SYN3: variants seen among roughly 807,000 people sequenced by gnomAD.
The protein encoded by SYN3 is synapsin-3.
In SYN3, 35 loss-of-function variants were observed where a neutral mutation model predicts 65.8. The ratio of observed to expected loss-of-function variants is 0.53; its 90% CI spans 0.41 to 0.70. The LOEUF (loss-of-function observed/expected upper bound fraction) is 0.70. Among genes scored for constraint, SYN3 ranks in the 30% least tolerant of loss-of-function variants. The pLI, the probability that SYN3 is intolerant of heterozygous loss-of-function variation, is 0.00. For missense variants in SYN3, 680 were observed against 749.0 expected, an observed-to-expected ratio of 0.91 and a Z score of 1.08; for synonymous variants, 270 against 292.9, an observed-to-expected ratio of 0.92 and a Z score of 0.80.
intron 4 of SYN3, among the ~76,000 whole-genome samples, chr22:32,869,689 G>GTTTTTTTTTTTT (rs1288480674): frequency 2.5e-5 from 3 of 118,448 alleles, no homozygotes; most frequent in Non-Finnish European, 3.4e-5. Flanking sequence ...AACACATCTT[G>GTTTTTTTTTTTT]GTTTTTTTTT....
chr22:32,776,092 G>T (rs964023476), intron 6 of SYN3, among the ~76,000 whole-genome samples: 7 of 152,164 alleles, frequency 4.6e-5, no homozygotes, highest in African/African-American at 1.7e-4. Context: ...CCCTCACAGA[G>T]GACGAGGCCA....
chr22:32,549,537 G>C (rs1035373654), intron 7 of SYN3, among the ~76,000 whole-genome samples: 3 of 152,180 alleles, frequency 2.0e-5, no homozygotes, highest in Non-Finnish European at 4.4e-5. Flanking sequence ...ACAGACATTA[G>C]TCACCATGAC....
chr22:32,828,878 A>T (rs2047489941), intron 6 of SYN3, among the ~76,000 whole-genome samples: 1 of 152,154 alleles, frequency 6.6e-6, no homozygotes, highest in Non-Finnish European at 1.5e-5. Flanking sequence ...GGAGACAGTC[A>T]CATAAGGAAA....
chr22:32,711,726 T>A (rs1317043172), intron 6 of SYN3, among the ~76,000 whole-genome samples: 1 of 152,218 alleles, frequency 6.6e-6, no homozygotes, highest in Non-Finnish European at 1.5e-5. Flanking sequence ...GTATCATCCA[T>A]CACTTTCACC....
At chr22:32,728,007 T>C (rs901368418) in intron 6 of SYN3, among the ~76,000 whole-genome samples, 3 of 152,178 alleles carry the variant, frequency 2.0e-5, no homozygotes, top group Non-Finnish European at 4.4e-5. Context: ...CCCTATTTAA[T>C]AAGTGGTGCT....
At chr22:32,795,286 A>C (rs771459903) in intron 6 of SYN3, among the ~76,000 whole-genome samples, 33 of 152,368 alleles carry the variant, frequency 2.2e-4, no homozygotes, top group Middle Eastern at 3.4e-3. Flanking sequence ...CAATTATGTC[A>C]CTATTGAAAT....
chr22:32,604,911 C>G lies in SYN3; in HGVS notation c.712-8175G>C, dbSNP rs188728073. Among the ~76,000 whole-genome samples the G allele has an allele frequency of 8.6e-3, 1,233 of 142,938 alleles. 15 individuals are homozygous for G. Among genetic ancestry groups the G allele is most frequent in the African/African-American group, 0.031 (1,190 of 38,606 alleles). 93.8% of individuals were successfully genotyped at this position (142,938 alleles called of 152,430 possible). ...GTCCCAGCTACTCGGGAGGCTGAGG[C>G]GGGAGAATGGTGTGAACCCGGGAGG... On this transcript the variant is annotated intron_variant, in intron 6 of 13. Transcript: ENST00000358763.
At chr22:32,664,584 CTTTTTTT>C (rs71320943) in intron 6 of SYN3, among the ~76,000 whole-genome samples, 54 of 69,050 alleles carry the variant, frequency 7.8e-4, no homozygotes, top group East Asian at 3.4e-3. Context: ...CAATTGGTCG[CTTTTTTT>C]TTTTTTTTTT....
At chr22:32,745,746 G>A (rs150121319) in intron 6 of SYN3, among the ~76,000 whole-genome samples, 2 of 152,246 alleles carry the variant, frequency 1.3e-5, no homozygotes, top group Admixed American at 6.5e-5. Flanking sequence ...AAAACACAGA[G>A]GTGGGGAGAG....
At chr22:32,890,273 C>A (rs1276152673) in intron 4 of SYN3, among the ~76,000 whole-genome samples, 1 of 151,332 alleles carries the variant, frequency 6.6e-6, no homozygotes, top group East Asian at 2.0e-4. Flanking sequence ...GAGCATTTTC[C>A]CATGCTGCCC....
At chr22:32,705,310 G>T (rs1383806551) in intron 6 of SYN3, among the ~76,000 whole-genome samples, 2 of 152,088 alleles carry the variant, frequency 1.3e-5, no homozygotes, top group Non-Finnish European at 2.9e-5. Context: ...ATTGAATAGG[G>T]AGTCCTTTCC....
intron 6 of SYN3, among the ~76,000 whole-genome samples, chr22:32,666,054 T>G (rs2060285508): frequency 6.6e-6 from 1 of 152,184 alleles, no homozygotes; most frequent in Non-Finnish European, 1.5e-5. Flanking sequence ...GCTCTCTCGA[T>G]GCTTTCTCAT....
At chr22:32,760,338 C>G (rs2045443419) in intron 6 of SYN3, among the ~76,000 whole-genome samples, 1 of 151,910 alleles carries the variant, frequency 6.6e-6, no homozygotes, top group Non-Finnish European at 1.5e-5. Context: ...GAGAAGCAAA[C>G]AATTACTGAG....
chr22:33,009,751 A>AACACAC (rs58156623), intron 1 of SYN3, among the ~76,000 whole-genome samples: 12,251 of 141,064 alleles, frequency 0.087, 655 homozygotes, highest in Non-Finnish European at 0.12. Flanking sequence ...TACGTATCTA[A>AACACAC]ACACACACAC....
intron 7 of SYN3, among the ~76,000 whole-genome samples, chr22:32,556,789 T>C (rs2058503552): frequency 8.0e-6 from 1 of 125,528 alleles, no homozygotes; most frequent in Non-Finnish European, 1.6e-5. Context: ...AATGACCCAA[T>C]CTATAGGTTT....
intron 6 of SYN3, among the ~76,000 whole-genome samples, chr22:32,807,342 TATATAA>T (rs1338703711): frequency 2.4e-3 from 14 of 5,912 alleles, no homozygotes; most frequent in African/African-American, 5.8e-3. Flanking sequence ...TTATATATAA[TATATAA>T]ATATATAATA....
intron 1 of SYN3, among the ~76,000 whole-genome samples, chr22:33,037,392 A>G (rs538118467): frequency 2.0e-5 from 3 of 152,328 alleles, no homozygotes; most frequent in Admixed American, 2.0e-4. Flanking sequence ...TCAGTCCTGA[A>G]GAACTCAGGT....
chr22:32,713,283 G>A (rs986450146), intron 6 of SYN3, among the ~76,000 whole-genome samples: 1 of 152,162 alleles, frequency 6.6e-6, no homozygotes, highest in Non-Finnish European at 1.5e-5. Context: ...AAAGTTATAG[G>A]CTTAAGAATA....
chr22:32,908,110 G>T lies in SYN3; in HGVS notation c.461+23280C>A, dbSNP rs540009293. The stretch of plus-strand genomic sequence containing the variant: ...TTTTTTCTTTTTTTTTTTTGAGACA[G>T]AGTCGCACTCTGTCCTCCAGGCTGG... On this transcript the variant is annotated intron_variant, in intron 4 of 13. Coordinates refer to ENST00000358763, the MANE Select transcript of SYN3 (RefSeq NM_003490.4). Among the ~76,000 whole-genome samples the T allele has an allele frequency of 7.3e-5, 11 of 151,254 alleles. No homozygotes were observed. In the South Asian group the frequency reaches 2.3e-3, roughly 32 times the overall value.
Sources: gnomAD v4.1 joint callset for allele counts (sites outside exome capture counted in the v4.1 genomes callset) on GRCh38, gnomAD v4.1.1 for gene constraint, MANE v1.5 for transcripts, NCBI Gene and HGNC (gene_info 2026-07-23, HGNC 2026-07-21) for gene names.